The following GAK variants were observed in gnomAD, a reference collection of about 807,000 sequenced individuals.
GAK encodes the protein cyclin G associated kinase.
GAK carries 79 observed loss-of-function variants against 143.9 expected under a neutral mutation model. The observed-to-expected ratio is 0.55, with a 90% confidence interval of 0.46 to 0.66. The LOEUF (loss-of-function observed/expected upper bound fraction) is 0.66. GAK is among the 30% of genes least tolerant of loss of function. The pLI, the probability that GAK is intolerant of heterozygous loss-of-function variation, is 0.00. For missense variants in GAK, 1,693 were observed against 1,779.7 expected (o/e 0.95, Z 0.88); for synonymous variants, 881 against 765.5 (o/e 1.15, Z -2.49).
At chr4:850,195 GAC>G (rs1333954114) in intron 26 of GAK, 127 bp from the exon 27 acceptor site, 3 of 897,612 alleles carry the variant, frequency 3.3e-6, no homozygotes, top group Admixed American at 5.5e-5. Context: ...CCGGCTCACA[GAC>G]ACTGTCCCAC....
intron 23 of GAK, among the ~76,000 whole-genome samples, chr4:864,706 G>C (rs1016402233): frequency 2.0e-5 from 3 of 152,180 alleles, no homozygotes; most frequent in African/African-American, 7.2e-5. Context: ...GCAACACCGA[G>C]ACAAGACCCA....
chr4:865,086 T>C (rs1577071971), intron 23 of GAK, 36 bp downstream of exon 23: 1 of 1,594,278 alleles, frequency 6.3e-7, no homozygotes, highest in Non-Finnish European at 8.6e-7. Flanking sequence ...CAGCTGCACG[T>C]CTGGGAGCCC....
At chr4:907,471 G>C (rs1054419419) in intron 4 of GAK, among the ~76,000 whole-genome samples, 2 of 152,362 alleles carry the variant, frequency 1.3e-5, no homozygotes, top group East Asian at 1.9e-4. Context: ...GAGTCAGAGT[G>C]GGGGTGACTT....
At chr4:876,095 T>C (rs78005997) in intron 18 of GAK, among the ~76,000 whole-genome samples, 5,298 of 152,222 alleles carry the variant, frequency 0.035, 190 homozygotes, top group East Asian at 0.19. Context: ...GTGCTGGGCA[T>C]GGCAGGGGTG....
intron 20 of GAK, among the ~76,000 whole-genome samples, chr4:867,721 C>G (rs1751473998): frequency 6.6e-6 from 1 of 152,114 alleles, no homozygotes; most frequent in Non-Finnish European, 1.5e-5. Context: ...GTCCCCTCAG[C>G]CCAGGGCCTT....
At position 877,757 on chromosome 4, in the gene GAK, T is replaced by C. The variant is rs1714259325; in HGVS notation, c.1714A>G (p.Ser572Gly). 6.2e-7 allele frequency: 1 copy of C among 1,612,646 alleles called. No individual in the cohort carries two copies. The highest frequency in any genetic ancestry group is 1.3e-5 in the African/African-American group (1 of 74,906). Residue 572 changes from serine to glycine, a missense_variant, in exon 16 of 28, where the codon AGC becomes GGC. Ser to Gly is a moderately conservative substitution (Grantham distance 56). Coordinates refer to ENST00000314167, the MANE Select transcript of GAK (RefSeq NM_005255.4). ...ACGGCCCTCACCAGGATGGGCTTGC[T>C]GTGGGGTGTGATGGGCTCCTCCGCC... ...MVAEEPITPH[S>G]KPILVRAVVM... is the part of the protein sequence containing the mutation.
In GAK at chr4:932,066, C is replaced by T. The variant is rs1725969690; in HGVS notation, c.122G>A (p.Arg41Gln). The T allele has an allele frequency of 6.2e-7, 1 of 1,601,624 alleles. No individual in the cohort carries two copies. The highest frequency in any genetic ancestry group is 8.5e-7 in the Non-Finnish European group (1 of 1,175,368). ...QTVELGELRL[R>Q]VRRVLAEGGF... ...ACCTTCGGCCAGGACCCGCCGCACCCGCAGCCGCAGCTCGCCCAGTTCCAC... is the reference window on the plus strand; with the variant it reads ...ACCTTCGGCCAGGACCCGCCGCACCTGCAGCCGCAGCTCGCCCAGTTCCAC... The change falls in exon 1 of 28, where the codon CGG (arginine) becomes CAG (glutamine). Residue 41 changes from arginine (R) to glutamine (Q), a missense_variant. By Grantham distance (43) the Arg-to-Gln change is conservative. This residue lies in a region of GAK where 871 missense variants were observed against 991.0 expected (regional missense o/e 0.88). Coordinates refer to ENST00000314167, the MANE Select transcript of GAK (RefSeq NM_005255.4). This position sits in a 1 kb window ranked among gnomAD's most constrained non-coding sequence, Gnocchi z 4.0.
rs753066294 is a variant in GAK at position 856,280 on chromosome 4, TCAC to T, written c.3283+3323_3283+3325del. 1.1e-3 allele frequency among the ~76,000 whole-genome samples: 132 copies of T among 116,038 alleles called. 1 individual carries two copies. Among genetic ancestry groups the T allele is most frequent in the Admixed American group, 3.4e-3 (37 of 11,012 alleles). 76.1% of individuals were successfully genotyped at this position (116,038 alleles called of 152,430 possible). A position where few individuals can be genotyped will look rare whatever the true frequency, so the allele number is the denominator to read the frequency against. Reference sequence around the variant, plus strand: ...ACAGCTGCTCACAACTGCTCACACCTCACCACAGCTGCTCACCCCTGCTCACCA... The same window carrying T: ...ACAGCTGCTCACAACTGCTCACACCTCACAGCTGCTCACCCCTGCTCACCA... On this transcript the variant is annotated intron_variant, in intron 24 of 27. Transcript: ENST00000314167.
intron 1 of GAK, 139 bp from the exon 2 acceptor site, chr4:913,807 CG>C (rs1722448069): frequency 1.4e-6 from 1 of 696,660 alleles, no homozygotes; most frequent in Non-Finnish European, 2.5e-6. Context: ...ATGGCCCCAG[CG>C]TACACGCCCC....
In GAK at chr4:870,439, C is replaced by T. The variant is rs367975985; in HGVS notation, c.2248+272G>A. Among the ~76,000 whole-genome samples, 322 of 152,336 alleles carry T rather than the reference C, an allele frequency of 2.1e-3. 11 individuals carry two copies. The South Asian group carries it at 0.059, about 28-fold the overall frequency. On this transcript the variant is annotated intron_variant, in intron 19 of 27. Coordinates refer to ENST00000314167, the MANE Select transcript of GAK (RefSeq NM_005255.4). ...ACACGCCTGGGACAAAACCCCGCTT[C>T]GCTCCAGGAGCCTGGGTTTTCCTCC...
intron 1 of GAK, among the ~76,000 whole-genome samples, chr4:926,644 C>T (rs527933548): frequency 6.6e-6 from 1 of 152,270 alleles, no homozygotes; most frequent in East Asian, 1.9e-4. Context: ...TTTTACTTCA[C>T]GCTGGGAACT....
At position 865,152 on chromosome 4, in the gene GAK, A is replaced by G. The variant is rs777149564; in HGVS notation, c.3136T>C (p.Ser1046Pro). 33 of 1,611,276 alleles carry G rather than the reference A, an allele frequency of 2.0e-5. No homozygotes were observed. The highest frequency in any genetic ancestry group is 1.1e-5 in the Non-Finnish European group (13 of 1,178,754). The change falls in exon 23 of 28, where the codon TCG (serine) becomes CCG (proline). Residue 1046 changes from serine (S) to proline (P), a missense_variant. This residue lies in a region of GAK where 822 missense variants were observed against 788.7 expected (regional missense o/e 1.04). Transcript: ENST00000314167. ...GTGGCTGGCGTGGGGGCCACTGCCG[A>G]TGCTGCAGTCTCGGTCCAGGCAGCC... Reference protein sequence around the residue: ...GWAAWTETAASAVAPTPATEG... With the variant: ...GWAAWTETAAPAVAPTPATEG...
intron 11 of GAK, chr4:887,771 A>G (rs891082003): frequency 5.2e-5 from 8 of 152,384 alleles, no homozygotes; most frequent in Admixed American, 2.0e-4. Context: ...GTGCTCATAC[A>G]CGTGCCTGCA....
intron 3 of GAK, 48 bp downstream of exon 3, chr4:912,687 T>G (rs772897904): frequency 1.3e-6 from 2 of 1,491,048 alleles, no homozygotes; most frequent in Admixed American, 3.4e-5. Flanking sequence ...CGCAGGCCTG[T>G]GCCTGCCAAA....
At chr4:920,093 C>T (rs1231352889) in intron 1 of GAK, among the ~76,000 whole-genome samples, 3 of 152,084 alleles carry the variant, frequency 2.0e-5, no homozygotes, top group African/African-American at 7.2e-5. Flanking sequence ...GGGCGGATCA[C>T]AAGGTGAGAT....
chr4:894,131 G>A (rs568470012), intron 7 of GAK, 122 bp from the exon 8 acceptor site: 127 of 1,182,180 alleles, frequency 1.1e-4, no homozygotes, highest in South Asian at 1.6e-4. Flanking sequence ...CATCGGAGCC[G>A]TGGGGAGCGC....
At chr4:896,674 A>C (rs1455906087) in intron 6 of GAK, 125 bp from the exon 7 acceptor site, 18 of 737,868 alleles carry the variant, frequency 2.4e-5, no homozygotes, top group Non-Finnish European at 4.3e-5. Flanking sequence ...CCCGCACACT[A>C]TGCCCCGGGA....
At chr4:881,445 C>T (rs1047162824) in intron 15 of GAK, among the ~76,000 whole-genome samples, 1 of 152,052 alleles carries the variant, frequency 6.6e-6, no homozygotes, top group Non-Finnish European at 1.5e-5. Flanking sequence ...GAGAAACAGC[C>T]TCCTCCACAC....
chr4:915,225 C>A (rs1351177956), intron 1 of GAK, among the ~76,000 whole-genome samples: 1 of 151,410 alleles, frequency 6.6e-6, no homozygotes, highest in African/African-American at 2.4e-5. Flanking sequence ...GCGTACATGG[C>A]CCCCCGCACT....
Sources: gnomAD v4.1 joint callset for allele counts (sites outside exome capture counted in the v4.1 genomes callset) on GRCh38, gnomAD v4.1.1 for gene constraint, gnomAD v4.1.1 regional missense constraint, Gnocchi (gnomAD v3.1) non-coding constraint, MANE v1.5 for transcripts, NCBI Gene and HGNC (gene_info 2026-07-23, HGNC 2026-07-21) for gene names.